The following CNTNAP2 variants were observed in gnomAD, a reference collection of about 807,000 sequenced individuals.
The protein encoded by CNTNAP2 is contactin-associated protein-like 2.
A neutral mutation model predicts 155.2 loss-of-function variants in CNTNAP2; 98 were observed. That is an observed-to-expected ratio of 0.63 (90% CI 0.54 to 0.75). The LOEUF (loss-of-function observed/expected upper bound fraction) is 0.75, where lower values mean the gene tolerates loss of function less well. Ranked by LOEUF, CNTNAP2 falls within the 30% of genes least tolerant of loss-of-function variation. The pLI, the probability that CNTNAP2 is intolerant of heterozygous loss-of-function variation, is 0.00. For missense variants in CNTNAP2, 1,727 were observed against 1,688.1 expected (o/e 1.02, Z -0.40); for synonymous variants, 651 against 631.2 (o/e 1.03, Z -0.47).
chr7:146,624,463 G>C (rs1326853645), intron 1 of CNTNAP2, among the ~76,000 whole-genome samples: 2 of 123,200 alleles, frequency 1.6e-5, no homozygotes, highest in Admixed American at 1.5e-4. Flanking sequence ...TGAATGCTCA[G>C]CATTATTACT....
intron 9 of CNTNAP2, among the ~76,000 whole-genome samples, chr7:147,351,283 A>G (rs1265121757): frequency 1.3e-5 from 2 of 151,822 alleles, no homozygotes; most frequent in East Asian, 3.9e-4. Flanking sequence ...ATTTAAGCTT[A>G]TAAATTTGTA....
At chr7:148,023,626 C>T (rs1187601921) in intron 15 of CNTNAP2, among the ~76,000 whole-genome samples, 1 of 151,998 alleles carries the variant, frequency 6.6e-6, no homozygotes, top group Non-Finnish European at 1.5e-5. Context: ...ACAGCTGCAC[C>T]AGCTTCTTGA....
chr7:146,596,164 G>A (rs1186775652), intron 1 of CNTNAP2, among the ~76,000 whole-genome samples: 1 of 152,024 alleles, frequency 6.6e-6, no homozygotes, highest in Non-Finnish European at 1.5e-5. Context: ...TATGTCTATA[G>A]TCAGTCTATC....
At chr7:146,518,247 C>T (rs1247030658) in intron 1 of CNTNAP2, among the ~76,000 whole-genome samples, 1 of 150,602 alleles carries the variant, frequency 6.6e-6, no homozygotes, top group Non-Finnish European at 1.5e-5. Context: ...TTGAGTAGAA[C>T]AGGCTTGAAA....
chr7:146,176,319 G>A lies in CNTNAP2; in HGVS notation c.97+59346G>A, dbSNP rs540213062. Among the ~76,000 whole-genome samples, 8 of 152,222 alleles carry A rather than the reference G, an allele frequency of 5.3e-5. No homozygotes were observed. The South Asian group carries it at 8.3e-4, about 16-fold the overall frequency. On this transcript the variant is annotated intron_variant, in intron 1 of 23. Transcript: ENST00000361727. ...TCCCTTTTTGTCTATGGATCATATTGCCTCTCAGTTCCTTTAGAAAAATAC... is the reference window on the plus strand; with the variant it reads ...TCCCTTTTTGTCTATGGATCATATTACCTCTCAGTTCCTTTAGAAAAATAC...
chr7:146,983,080 A>G (rs1409392464), intron 3 of CNTNAP2, among the ~76,000 whole-genome samples: 1 of 152,200 alleles, frequency 6.6e-6, no homozygotes, highest in Non-Finnish European at 1.5e-5. Flanking sequence ...TACCTACTTG[A>G]AATAGTAGAC....
At chr7:147,492,761 T>C (rs1038807462) in intron 11 of CNTNAP2, among the ~76,000 whole-genome samples, 2 of 152,212 alleles carry the variant, frequency 1.3e-5, no homozygotes, top group Admixed American at 1.3e-4. Flanking sequence ...CTCATACTTA[T>C]AGAAGGTGAA....
rs1462105703 is a variant in CNTNAP2, at chr7:146,116,837, G to T, written c.-40G>T. ...CTACGGAGAGTCGGACTGCATCTCC[G>T]CAGCGAGCTCTTGGAGCGCCGCCGG... On this transcript the variant is annotated 5_prime_UTR_variant, in exon 1 of 24. Coordinates refer to ENST00000361727, the MANE Select transcript of CNTNAP2 (RefSeq NM_014141.6). The surrounding 1 kb of genome is among the most constrained non-coding windows in gnomAD (Gnocchi z 5.5). The T allele has an allele frequency of 2.0e-6, 3 of 1,498,456 alleles. No individual in the cohort carries two copies. Among genetic ancestry groups the T allele is most frequent in the African/African-American group, 1.4e-5 (1 of 72,108 alleles). The allele number at this position is 1,498,456 out of a possible 1,614,324, so 92.8% of individuals were successfully genotyped here. A position where few individuals can be genotyped will look rare whatever the true frequency, so the allele number is the denominator to read the frequency against.
At chr7:147,917,113 C>G (rs1328752852) in intron 14 of CNTNAP2, among the ~76,000 whole-genome samples, 1 of 152,218 alleles carries the variant, frequency 6.6e-6, no homozygotes, top group Non-Finnish European at 1.5e-5. Context: ...TTAAAACTCT[C>G]TTATCCTACA....
At chr7:146,798,073 AGACCAGCTGG>A (rs1434700572) in intron 2 of CNTNAP2, among the ~76,000 whole-genome samples, 2 of 152,094 alleles carry the variant, frequency 1.3e-5, no homozygotes, top group Non-Finnish European at 1.5e-5. Context: ...TAGGAGTTTG[AGACCAGCTGG>A]GACAACATGG....
At chr7:147,791,733 T>A (rs1405205646) in intron 13 of CNTNAP2, among the ~76,000 whole-genome samples, 1 of 152,126 alleles carries the variant, frequency 6.6e-6, no homozygotes, top group Non-Finnish European at 1.5e-5. Flanking sequence ...AGCTGTGAGA[T>A]GCCCATTGTG....
At chr7:146,986,657 C>T (rs1295272661) in intron 3 of CNTNAP2, among the ~76,000 whole-genome samples, 1 of 152,084 alleles carries the variant, frequency 6.6e-6, no homozygotes, top group Non-Finnish European at 1.5e-5. Flanking sequence ...TCCATCCACG[C>T]CAACATCTAT....
chr7:147,347,461 T>TATATATATATATATATATATATGC lies in CNTNAP2; in HGVS notation c.1498+47185_1498+47186insATATATATGCATATATATATATAT, dbSNP rs1584889473. Among the ~76,000 whole-genome samples, 6 of 62,526 alleles carry TATATATATATATATATATATATGC rather than the reference T, an allele frequency of 9.6e-5. 1 individual carries two copies. The highest frequency in any genetic ancestry group is 1.0e-3 in the South Asian group (2 of 1,912). 41.0% of individuals were successfully genotyped at this position (62,526 alleles called of 152,430 possible). ...ATATGCATATATATATATATGCATA[T>TATATATATATATATATATATATGC]ATATATATATATATGCATATATATA... is the stretch of plus-strand genomic sequence containing the variant. On this transcript the variant is annotated intron_variant, in intron 9 of 23. Coordinates refer to ENST00000361727, the MANE Select transcript of CNTNAP2 (RefSeq NM_014141.6).
intron 3 of CNTNAP2, among the ~76,000 whole-genome samples, chr7:146,933,156 C>T (rs561968893): frequency 5.9e-5 from 9 of 151,806 alleles, no homozygotes; most frequent in Non-Finnish European, 1.5e-5. Context: ...AAGAACAAAG[C>T]TGGAGGCATC....
chr7:148,233,971 C>G (rs190558169), intron 20 of CNTNAP2, among the ~76,000 whole-genome samples: 357 of 152,286 alleles, frequency 2.3e-3, no homozygotes, highest in Middle Eastern at 0.01. Flanking sequence ...CCATGTAAGA[C>G]ATGCCTGCTA....
chr7:147,190,365 T>C (rs987075377), intron 8 of CNTNAP2, among the ~76,000 whole-genome samples: 3 of 152,224 alleles, frequency 2.0e-5, no homozygotes, highest in Admixed American at 6.5e-5. Context: ...TGTTTTCTTA[T>C]TGTGTTCAGA....
In CNTNAP2 at chr7:147,787,623, G is replaced by A. The variant is rs529002511; in HGVS notation, c.2099-115942G>A. 5.3e-5 allele frequency among the ~76,000 whole-genome samples: 8 copies of A among 152,306 alleles called. No individual in the cohort carries two copies. In the South Asian group the frequency reaches 1.4e-3, roughly 28 times the overall value. On this transcript the variant is annotated intron_variant, in intron 13 of 23. Coordinates refer to ENST00000361727, the MANE Select transcript of CNTNAP2 (RefSeq NM_014141.6). ...GTGAAGTAGTTATGAGTATGAGGAG[G>A]TAATTTTTTAAGGTGCTTAGAAAAC...
intron 10 of CNTNAP2, among the ~76,000 whole-genome samples, chr7:147,403,325 A>G (rs962206018): frequency 6.6e-6 from 1 of 152,182 alleles, no homozygotes; most frequent in Non-Finnish European, 1.5e-5. Flanking sequence ...TCTCCCTAAA[A>G]TGTATAAAAC....
intron 22 of CNTNAP2, among the ~76,000 whole-genome samples, chr7:148,395,045 A>C (rs1477978144): frequency 6.6e-6 from 1 of 151,844 alleles, no homozygotes; most frequent in Non-Finnish European, 1.5e-5. Context: ...ATTACTGTGG[A>C]GTTGAACAGA....
Sources: allele counts gnomAD v4.1 joint callset (sites outside exome capture counted in the v4.1 genomes callset), GRCh38; gene constraint gnomAD v4.1.1; non-coding constraint Gnocchi (gnomAD v3.1); transcripts MANE v1.5; gene names NCBI Gene and HGNC (gene_info 2026-07-23, HGNC 2026-07-21).